Variants in DNAJB14 observed in about 807,000 individuals in gnomAD.
DNAJB14 encodes DnaJ heat shock protein family (Hsp40) member B14.
Under a neutral mutation model 48.4 loss-of-function variants are expected in DNAJB14, and 22 were observed. That is an observed-to-expected ratio of 0.45 (90% CI 0.32 to 0.65). DNAJB14 has a LOEUF of 0.65. DNAJB14 is among the 30% of genes least tolerant of loss of function. DNAJB14 has a pLI of 0.03. For missense variants in DNAJB14, 319 were observed against 458.8 expected (o/e 0.70, Z 2.78); for synonymous variants, 142 against 158.7 (o/e 0.89, Z 0.79).
chr4:99,912,947 T>C (rs978776774), intron 3 of DNAJB14, among the ~76,000 whole-genome samples: 4 of 152,228 alleles, frequency 2.6e-5, no homozygotes, highest in African/African-American at 9.6e-5. Context: ...GTATGTATGA[T>C]TGTAAATGCT....
chr4:99,900,323 T>A lies in DNAJB14; in HGVS notation c.*705A>T, dbSNP rs1218641764. ...ATTTCCTCATATTTTCTTTAAAATT[T>A]ATCAGTATAGCATTTCATTTCTATG... On this transcript the variant is annotated 3_prime_UTR_variant, in exon 8 of 8. Transcript: ENST00000442697. The A allele has an allele frequency of 1.3e-5, 2 of 152,038 alleles. No homozygotes were observed. The highest frequency in any genetic ancestry group is 2.9e-5 in the Non-Finnish European group (2 of 67,918). 9.4% of individuals were successfully genotyped at this position (152,038 alleles called of 1,614,324 possible). A position where few individuals can be genotyped will look rare whatever the true frequency, so the allele number is the denominator to read the frequency against.
In DNAJB14 at chr4:99,905,608, T is replaced by C; in HGVS notation, c.831A>G (p.Leu277=). The change falls in exon 6 of 8, where the codon TTA becomes TTG. Residue 277 remains leucine (L), a synonymous_variant. Transcript: ENST00000442697. ...QLMVSNPPYS[L]YPRSGTGQTI... Reference sequence around the variant, plus strand: ...ACTTGGCTACTTACGATCTGGGATATAAGGAATAAGGAGGATTAGAGACCA... The same window carrying C: ...ACTTGGCTACTTACGATCTGGGATACAAGGAATAAGGAGGATTAGAGACCA... The C allele has an allele frequency of 6.2e-7, 1 of 1,608,604 alleles. No individual in the cohort carries two copies. Among genetic ancestry groups the C allele is most frequent in the African/African-American group, 1.3e-5 (1 of 74,856 alleles).
chr4:99,945,586 C>T (rs1045746479), intron 1 of DNAJB14, among the ~76,000 whole-genome samples: 2 of 152,228 alleles, frequency 1.3e-5, no homozygotes, highest in African/African-American at 4.8e-5. Context: ...CATTAATTAT[C>T]AGAAAGTCTG....
At chr4:99,930,757 A>T in intron 1 of DNAJB14, 136 bp from the exon 2 acceptor site, 1 of 861,050 alleles carries the variant, frequency 1.2e-6, no homozygotes, top group South Asian at 2.2e-5. Flanking sequence ...TTTAATTAGC[A>T]CGCATTCCCC....
intron 1 of DNAJB14, among the ~76,000 whole-genome samples, chr4:99,937,112 C>T (rs919848399): frequency 1.3e-5 from 2 of 151,840 alleles, no homozygotes; most frequent in South Asian, 2.1e-4. Flanking sequence ...GTCAGGAGAT[C>T]GAGACTATCC....
chr4:99,938,552 T>A (rs1193356264), intron 1 of DNAJB14, among the ~76,000 whole-genome samples: 1 of 151,744 alleles, frequency 6.6e-6, no homozygotes, highest in Non-Finnish European at 1.5e-5. Context: ...AAAAACAGAC[T>A]GTGGTGTGTG....
chr4:99,916,433 C>T (rs1725857566), intron 3 of DNAJB14, among the ~76,000 whole-genome samples: 1 of 152,174 alleles, frequency 6.6e-6, no homozygotes. Flanking sequence ...AGCCACTTCA[C>T]CTAGTGAAAA....
At chr4:99,914,477 C>T (rs1331491817) in intron 3 of DNAJB14, among the ~76,000 whole-genome samples, 1 of 152,022 alleles carries the variant, frequency 6.6e-6, no homozygotes, top group Admixed American at 6.6e-5. Flanking sequence ...GGGAACATCA[C>T]ACACTGGGGC....
At chr4:99,923,234 A>C in intron 2 of DNAJB14, 49 bp from the exon 3 acceptor site, 1 of 1,492,686 alleles carries the variant, frequency 6.7e-7, no homozygotes, top group Non-Finnish European at 9.1e-7. Flanking sequence ...GAAGACGGTC[A>C]TGTAATATCT....
chr4:99,901,782 G>A (rs1308226184), intron 7 of DNAJB14, among the ~76,000 whole-genome samples: 1 of 151,932 alleles, frequency 6.6e-6, no homozygotes, highest in Non-Finnish European at 1.5e-5. Flanking sequence ...AGTATTTCTT[G>A]TTTTTTCCTG....
At chr4:99,945,421 A>G (rs1288568981) in intron 1 of DNAJB14, among the ~76,000 whole-genome samples, 1 of 152,220 alleles carries the variant, frequency 6.6e-6, no homozygotes, top group Non-Finnish European at 1.5e-5. Flanking sequence ...GAATCTATCG[A>G]TAACTTTCTT....
At position 99,908,906 on chromosome 4, in the gene DNAJB14, T is replaced by C. The variant is rs769215270; in HGVS notation, c.452-10A>G. 6.5e-7 allele frequency: 1 copy of C among 1,529,742 alleles called. No individual in the cohort carries two copies. The highest frequency in any genetic ancestry group is 1.3e-5 in the South Asian group (1 of 76,562). The allele number at this position is 1,529,742 out of a possible 1,614,324, so 94.8% of individuals were successfully genotyped here. On this transcript the variant is annotated splice_polypyrimidine_tract_variant and intron_variant, in intron 3 of 7. Transcript: ENST00000442697. ...TAAGCATTTCCAATCTCTGAAAAAG[T>C]AATGAGTAAAAGTTGGTAAGCAAAG...
intron 2 of DNAJB14, among the ~76,000 whole-genome samples, chr4:99,924,082 A>G (rs1316317271): frequency 6.6e-6 from 1 of 152,188 alleles, no homozygotes; most frequent in East Asian, 1.9e-4. Flanking sequence ...CATTACGTAC[A>G]TGTGGATGCC....
chr4:99,944,847 GA>G (rs1727010902), intron 1 of DNAJB14, among the ~76,000 whole-genome samples: 1 of 152,214 alleles, frequency 6.6e-6, no homozygotes, highest in East Asian at 1.9e-4. Context: ...AAAGTGCTGG[GA>G]TAACAGGCGT....
Position 99,922,923 on chromosome 4 carries a change from C to T in DNAJB14, c.451+117G>A, listed in dbSNP as rs114751840. 972 of 1,156,948 alleles carry T rather than the reference C, an allele frequency of 8.4e-4. 6 individuals are homozygous for T. In the African/African-American group the frequency reaches 0.011, roughly 13 times the overall value. The allele number at this position is 1,156,948 out of a possible 1,614,324, so 71.7% of individuals were successfully genotyped here. On this transcript the variant is annotated intron_variant, in intron 3 of 7. Coordinates refer to ENST00000442697, the MANE Select transcript of DNAJB14 (RefSeq NM_001031723.4). ...GAAGTTTTAAAGGATTTTCCAGACT[C>T]TTGCTTGTGCTGGTCTCTAAATGCA...
At chr4:99,906,138 T>C (rs1316293400) in intron 5 of DNAJB14, 1 of 1,316,578 alleles carries the variant, frequency 7.6e-7, no homozygotes, top group Non-Finnish European at 9.9e-7. Flanking sequence ...CCTTTCCACT[T>C]CATGTAATTA....
intron 3 of DNAJB14, 56 bp from the exon 4 acceptor site, chr4:99,908,952 G>T: frequency 1.6e-6 from 2 of 1,270,572 alleles, no homozygotes; most frequent in Non-Finnish European, 2.1e-6. Context: ...ATAAAAGGCT[G>T]CCCCACATAA....
At chr4:99,946,302 A>G (rs1427235646) in intron 1 of DNAJB14, 137 bp downstream of exon 1, 2 of 1,365,414 alleles carry the variant, frequency 1.5e-6, no homozygotes, top group Non-Finnish European at 2.0e-6. Flanking sequence ...GATGCTCCCC[A>G]CCGGGCCTGG....
chr4:99,900,538 T>C lies in DNAJB14; in HGVS notation c.*490A>G, dbSNP rs1725263754. On this transcript the variant is annotated 3_prime_UTR_variant, in exon 8 of 8. Transcript: ENST00000442697. ...TTTTCTTTTTGAAAAAGTTTCATTG[T>C]TTAAAGTCCACATATTTGACACCTT... The C allele has an allele frequency of 6.6e-6, 1 of 152,378 alleles. No homozygotes were observed. Among genetic ancestry groups the C allele is most frequent in the African/African-American group, 2.4e-5 (1 of 41,444 alleles). 9.4% of individuals were successfully genotyped at this position (152,378 alleles called of 1,614,324 possible).
Sources: gnomAD v4.1 joint callset for allele counts (sites outside exome capture counted in the v4.1 genomes callset) on GRCh38, gnomAD v4.1.1 for gene constraint, MANE v1.5 for transcripts, NCBI Gene and HGNC (gene_info 2026-07-23, HGNC 2026-07-21) for gene names.